The following SLC44A3 variants were observed in gnomAD, a reference collection of about 807,000 sequenced individuals.
SLC44A3 encodes the protein choline transporter-like protein 3.
In SLC44A3, 74 loss-of-function variants were observed where a neutral mutation model predicts 75.4. The observed-to-expected ratio is 0.98, with a 90% CI of 0.81 to 1.19. The LOEUF (loss-of-function observed/expected upper bound fraction) is 1.19. SLC44A3 is among the 50% of genes most tolerant of loss of function. SLC44A3 has a pLI of 0.00. For synonymous variants in SLC44A3, 310 were observed against 296.9 expected (o/e 1.04, Z -0.45); for missense variants, 700 against 778.6 (o/e 0.90, Z 1.20).
At chr1:94,849,495 G>C (rs923644330) in intron 9 of SLC44A3, among the ~76,000 whole-genome samples, 1 of 152,124 alleles carries the variant, frequency 6.6e-6, no homozygotes, top group African/African-American at 2.4e-5. Flanking sequence ...CTGGCTCTGC[G>C]GCTGGGCAGA....
At chr1:94,837,358 A>G (rs1305477560) in intron 5 of SLC44A3, among the ~76,000 whole-genome samples, 3 of 152,254 alleles carry the variant, frequency 2.0e-5, no homozygotes, top group Non-Finnish European at 4.4e-5. Flanking sequence ...ATTTATGGAT[A>G]CATTCATTAG....
chr1:94,828,488 T>G lies in SLC44A3; in HGVS notation c.416-5T>G. ...AGGTATAATGTCTGTGTGTTCTGCT[T>G]CCAGGGTCCTTCCTGTGTGTTTATA... is the stretch of plus-strand genomic sequence containing the variant. On this transcript the variant is annotated splice_region_variant and splice_polypyrimidine_tract_variant and intron_variant, in intron 4 of 14. Transcript: ENST00000271227. 6.2e-7 allele frequency: 1 copy of G among 1,612,764 alleles called. No individual in the cohort carries two copies. Among genetic ancestry groups the G allele is most frequent in the Non-Finnish European group, 8.5e-7 (1 of 1,179,222 alleles).
intron 12 of SLC44A3, among the ~76,000 whole-genome samples, chr1:94,877,960 C>T (rs547999065): frequency 1.1e-4 from 16 of 152,244 alleles, no homozygotes; most frequent in Non-Finnish European, 1.5e-4. Flanking sequence ...TTGGGCTGGA[C>T]GCGGTGGCTC....
At chr1:94,846,712 A>G (rs1407440870) in intron 9 of SLC44A3, among the ~76,000 whole-genome samples, 1 of 152,256 alleles carries the variant, frequency 6.6e-6, no homozygotes, top group Non-Finnish European at 1.5e-5. Flanking sequence ...TTCAGTACAC[A>G]TGGATGCAAG....
At chr1:94,877,888 G>C (rs920392779) in intron 12 of SLC44A3, among the ~76,000 whole-genome samples, 5 of 152,038 alleles carry the variant, frequency 3.3e-5, no homozygotes, top group African/African-American at 1.2e-4. Flanking sequence ...GGTGGAGAGG[G>C]GTGCTCTGGG....
chr1:94,849,574 G>A (rs766442236), intron 9 of SLC44A3, among the ~76,000 whole-genome samples: 12 of 152,142 alleles, frequency 7.9e-5, no homozygotes, highest in East Asian at 3.9e-4. Context: ...ACTCTGAGCC[G>A]CTTTCACCTC....
At chr1:94,824,758 G>GA in intron 3 of SLC44A3, 123 bp downstream of exon 3, 1 of 1,244,212 alleles carries the variant, frequency 8.0e-7, no homozygotes, top group Non-Finnish European at 1.1e-6. Context: ...TTATAAAAAG[G>GA]AAGGCTGTGT....
In SLC44A3 at chr1:94,892,389, TTAG is replaced by T; in HGVS notation, c.1733_1735del (p.Val578del). ...GTTATTGGTAGCTTTTTTTGCCTAC[TTAG>T]TAGCCCATAGTTTTTTATCTGTGTT... is the stretch of plus-strand genomic sequence containing the variant. On this transcript the variant is annotated inframe_deletion, in exon 14 of 15. Transcript: ENST00000271227. The T allele has an allele frequency of 6.2e-7, 1 of 1,614,222 alleles. No homozygotes were observed. The highest frequency in any genetic ancestry group is 8.5e-7 in the Non-Finnish European group (1 of 1,180,042).
intron 12 of SLC44A3, among the ~76,000 whole-genome samples, chr1:94,871,776 A>G (rs1446550321): frequency 6.6e-6 from 1 of 152,218 alleles, no homozygotes; most frequent in Admixed American, 6.5e-5. Context: ...ATTTTTGCAT[A>G]CAACAAGGAG....
intron 12 of SLC44A3, among the ~76,000 whole-genome samples, chr1:94,884,855 G>A (rs527431984): frequency 1.3e-5 from 2 of 152,312 alleles, no homozygotes; most frequent in South Asian, 4.1e-4. Context: ...TTCTTGGATA[G>A]CTCTCACAGT....
At chr1:94,838,025 T>G (rs537487355) in intron 6 of SLC44A3, among the ~76,000 whole-genome samples, 154 bp downstream of exon 6, 2 of 152,368 alleles carry the variant, frequency 1.3e-5, no homozygotes, top group African/African-American at 4.8e-5. Flanking sequence ...TTAAGTGGGA[T>G]GGGGGCAATA....
chr1:94,855,741 G>A (rs1054499783), intron 9 of SLC44A3, among the ~76,000 whole-genome samples: 2 of 152,144 alleles, frequency 1.3e-5, no homozygotes, highest in Admixed American at 6.5e-5. Flanking sequence ...TCTACAGCAC[G>A]GATATCCTCC....
chr1:94,858,467 G>A (rs1022178136), intron 10 of SLC44A3, among the ~76,000 whole-genome samples: 18 of 152,162 alleles, frequency 1.2e-4, no homozygotes, highest in African/African-American at 3.6e-4. Flanking sequence ...CCCCAGGGCA[G>A]TGAGAGCCCT....
intron 12 of SLC44A3, among the ~76,000 whole-genome samples, chr1:94,873,336 A>G (rs1167608170): frequency 1.3e-5 from 2 of 152,216 alleles, no homozygotes; most frequent in South Asian, 2.1e-4. Flanking sequence ...TAGTAAGTAC[A>G]TGTACAGATT....
intron 12 of SLC44A3, among the ~76,000 whole-genome samples, chr1:94,889,714 A>G (rs1669994530): frequency 6.6e-6 from 1 of 152,254 alleles, no homozygotes; most frequent in Admixed American, 6.5e-5. Flanking sequence ...ACACATGCAC[A>G]TATGTATATC....
chr1:94,831,349 T>C (rs111549583), intron 5 of SLC44A3, among the ~76,000 whole-genome samples: 116 of 152,360 alleles, frequency 7.6e-4, no homozygotes, highest in African/African-American at 2.6e-3. Flanking sequence ...AAAATGATCA[T>C]ATTTATCATG....
At chr1:94,828,022 A>G (rs1258898684) in intron 4 of SLC44A3, among the ~76,000 whole-genome samples, 2 of 152,152 alleles carry the variant, frequency 1.3e-5, no homozygotes, top group East Asian at 3.9e-4. Context: ...TGCGCGTAGA[A>G]TTGCTGACAA....
At chr1:94,848,970 G>T (rs573059461) in intron 9 of SLC44A3, among the ~76,000 whole-genome samples, 1 of 152,202 alleles carries the variant, frequency 6.6e-6, no homozygotes, top group African/African-American at 2.4e-5. Context: ...GGCCACAGAG[G>T]TCAAGGGAAG....
intron 12 of SLC44A3, among the ~76,000 whole-genome samples, chr1:94,870,323 T>G (rs973087430): frequency 1.3e-5 from 2 of 152,222 alleles, no homozygotes; most frequent in African/African-American, 4.8e-5. Context: ...CATTACTGTA[T>G]AGTGCAAAAG....
Sources: allele counts gnomAD v4.1 joint callset (sites outside exome capture counted in the v4.1 genomes callset), GRCh38; gene constraint gnomAD v4.1.1; transcripts MANE v1.5; gene names NCBI Gene and HGNC (gene_info 2026-07-23, HGNC 2026-07-21).